The following LRRIQ3 variants were observed in gnomAD, a reference collection of about 807,000 sequenced individuals.
LRRIQ3 encodes leucine-rich repeat and IQ domain-containing protein 3.
In LRRIQ3, 75 loss-of-function variants were observed where a neutral mutation model predicts 59.3. The observed-to-expected ratio is 1.26, with a 90% CI of 1.05 to 1.53. The LOEUF is 1.53. Among genes scored for constraint, LRRIQ3 ranks in the 40% most tolerant of loss-of-function variants. LRRIQ3 has a pLI of 0.00. For missense variants in LRRIQ3, 831 were observed against 710.0 expected (o/e 1.17, Z -1.94); for synonymous variants, 250 against 231.3 (o/e 1.08, Z -0.73).
Position 74,125,409 on chromosome 1 carries a change from A to T in LRRIQ3, c.708-15856T>A, listed in dbSNP as rs138840385. Reference sequence around the variant, plus strand: ...AGTACTATGTTGAATAACAGTGATGAAAGTGGACATCCTTGTTGTGTTCCA... The same window carrying T: ...AGTACTATGTTGAATAACAGTGATGTAAGTGGACATCCTTGTTGTGTTCCA... On this transcript the variant is annotated intron_variant, in intron 4 of 7. Coordinates refer to ENST00000354431, the MANE Select transcript of LRRIQ3 (RefSeq NM_001105659.2). 2.2e-4 allele frequency among the ~76,000 whole-genome samples: 34 copies of T among 152,124 alleles called. No individual in the cohort carries two copies. In the East Asian group the frequency reaches 6.6e-3, roughly 29 times the overall value.
At chr1:74,189,025 A>G (rs1448606135) in intron 1 of LRRIQ3, among the ~76,000 whole-genome samples, 2 of 152,180 alleles carry the variant, frequency 1.3e-5, no homozygotes, top group Non-Finnish European at 2.9e-5. Flanking sequence ...GTGTTGACTC[A>G]GTTGAAGTAA....
chr1:74,113,713 CAAT>C (rs374764533), intron 4 of LRRIQ3, among the ~76,000 whole-genome samples: 36 of 151,986 alleles, frequency 2.4e-4, no homozygotes, highest in African/African-American at 8.0e-4. Flanking sequence ...GGTGAAATAA[CAAT>C]GTTTCCAGAT....
chr1:74,171,040 A>G (rs1649292518), intron 3 of LRRIQ3, among the ~76,000 whole-genome samples: 1 of 152,146 alleles, frequency 6.6e-6, no homozygotes, highest in Non-Finnish European at 1.5e-5. Flanking sequence ...TATTAATTCT[A>G]ACAGTATTCT....
At chr1:74,103,784 C>T (rs1477574002) in intron 5 of LRRIQ3, among the ~76,000 whole-genome samples, 1 of 149,160 alleles carries the variant, frequency 6.7e-6, no homozygotes, top group Non-Finnish European at 1.5e-5. Context: ...CTCCCTCTGT[C>T]CTTCCCCCCC....
At chr1:74,084,078 T>C (rs1448674808) in intron 5 of LRRIQ3, 14 of 1,165,090 alleles carry the variant, frequency 1.2e-5, no homozygotes, top group African/African-American at 3.1e-5. Context: ...ACAGCTGATA[T>C]CCCTAGTGTC....
chr1:74,148,678 A>C (rs1647731130), intron 4 of LRRIQ3, among the ~76,000 whole-genome samples: 1 of 152,234 alleles, frequency 6.6e-6, no homozygotes, highest in African/African-American at 2.4e-5. Context: ...AGATAACGTT[A>C]GATCCATCTA....
chr1:74,056,102 G>A (rs769799460), intron 6 of LRRIQ3, among the ~76,000 whole-genome samples: 20 of 151,318 alleles, frequency 1.3e-4, no homozygotes, highest in Non-Finnish European at 2.2e-4. Flanking sequence ...CCGAGATCAT[G>A]CCACTGCACT....
At chr1:74,132,622 C>T (rs895131817) in intron 4 of LRRIQ3, among the ~76,000 whole-genome samples, 3 of 152,042 alleles carry the variant, frequency 2.0e-5, no homozygotes, top group Admixed American at 6.6e-5. Context: ...GGAAAGATTC[C>T]CTATTTAATA....
At chr1:74,061,185 G>A (rs1175926155) in intron 6 of LRRIQ3, among the ~76,000 whole-genome samples, 1 of 152,070 alleles carries the variant, frequency 6.6e-6, no homozygotes, top group Non-Finnish European at 1.5e-5. Flanking sequence ...ATTCACAATA[G>A]CCACAAAAAG....
chr1:74,175,361 T>C (rs1649577798), intron 3 of LRRIQ3, among the ~76,000 whole-genome samples: 1 of 152,162 alleles, frequency 6.6e-6, no homozygotes, highest in African/African-American at 2.4e-5. Context: ...TTGTTCCTAG[T>C]TGTCCCGTGA....
At chr1:74,100,775 C>A (rs1646517810) in intron 5 of LRRIQ3, among the ~76,000 whole-genome samples, 1 of 152,132 alleles carries the variant, frequency 6.6e-6, no homozygotes, top group Non-Finnish European at 1.5e-5. Context: ...ACCATCTGAT[C>A]TTTGACAAAC....
intron 4 of LRRIQ3, among the ~76,000 whole-genome samples, chr1:74,121,315 C>T (rs999444047): frequency 6.6e-6 from 1 of 152,044 alleles, no homozygotes; most frequent in Non-Finnish European, 1.5e-5. Context: ...TCATGGCAAA[C>T]AAAGAAAATG....
At chr1:74,118,883 C>T (rs1345947981) in intron 4 of LRRIQ3, among the ~76,000 whole-genome samples, 1 of 152,048 alleles carries the variant, frequency 6.6e-6, no homozygotes, top group African/African-American at 2.4e-5. Context: ...AGAAATGCTT[C>T]TTCAAGAAAT....
chr1:74,056,001 C>T (rs372920277), intron 6 of LRRIQ3, among the ~76,000 whole-genome samples: 9 of 151,330 alleles, frequency 5.9e-5, no homozygotes, highest in Non-Finnish European at 1.2e-4. Context: ...AAAAATTAGC[C>T]GGGTGTGGTG....
chr1:74,107,119 C>A (rs561795286), intron 5 of LRRIQ3, among the ~76,000 whole-genome samples: 1 of 152,104 alleles, frequency 6.6e-6, no homozygotes, highest in African/African-American at 2.4e-5. Context: ...GTGAATGTAG[C>A]TTGAACTCAC....
At chr1:74,147,933 A>G (rs1405661738) in intron 4 of LRRIQ3, among the ~76,000 whole-genome samples, 1 of 152,164 alleles carries the variant, frequency 6.6e-6, no homozygotes, top group African/African-American at 2.4e-5. Flanking sequence ...GAATTTGGTC[A>G]CTTTAAATTT....
intron 5 of LRRIQ3, among the ~76,000 whole-genome samples, chr1:74,103,947 T>C (rs1211172564): frequency 6.6e-6 from 1 of 152,004 alleles, no homozygotes; most frequent in Non-Finnish European, 1.5e-5. Context: ...TAGACTGTGA[T>C]GTAAATGCAC....
rs186574254 is a variant in LRRIQ3 at position 74,171,612 on chromosome 1, G to A, written c.573+10926C>T. Among the ~76,000 whole-genome samples the A allele has an allele frequency of 4.3e-3, 650 of 152,208 alleles. 8 individuals carry two copies. The highest frequency in any genetic ancestry group is 3.2e-3 in the Admixed American group (49 of 15,294). Reference sequence around the variant, plus strand: ...AGATATTGACCTGTAGTTTTCTTGTGTTGTTTTTGCCTGGCTTTGGTAGCA... The same window carrying A: ...AGATATTGACCTGTAGTTTTCTTGTATTGTTTTTGCCTGGCTTTGGTAGCA... On this transcript the variant is annotated intron_variant, in intron 3 of 7. Coordinates refer to ENST00000354431, the MANE Select transcript of LRRIQ3 (RefSeq NM_001105659.2).
At chr1:74,175,998 A>AT (rs1178739899) in intron 3 of LRRIQ3, among the ~76,000 whole-genome samples, 2 of 152,186 alleles carry the variant, frequency 1.3e-5, no homozygotes, top group African/African-American at 4.8e-5. Flanking sequence ...CTTACACAGT[A>AT]TTTATAATAC....
Sources: allele counts gnomAD v4.1 joint callset (sites outside exome capture counted in the v4.1 genomes callset), GRCh38; gene constraint gnomAD v4.1.1; transcripts MANE v1.5; gene names NCBI Gene and HGNC (gene_info 2026-07-23, HGNC 2026-07-21).